Variants in ULK4 observed in about 807,000 individuals in gnomAD.
ULK4 encodes unc-51 like kinase 4.
ULK4 carries 133 observed loss-of-function variants against 160.6 expected under a neutral mutation model. The observed-to-expected ratio is 0.83, with a 90% CI of 0.72 to 0.96. ULK4 has a LOEUF of 0.96. Ranked by LOEUF, ULK4 falls within the 40% of genes least tolerant of loss-of-function variation. ULK4 has a pLI of 0.00. For synonymous variants in ULK4, 534 were observed against 539.8 expected (o/e 0.99, Z 0.15); for missense variants, 1,580 against 1,499.5 (o/e 1.05, Z -0.89).
intron 35 of ULK4, among the ~76,000 whole-genome samples, chr3:41,333,950 T>C (rs2125743401): frequency 6.6e-6 from 1 of 152,314 alleles, no homozygotes; most frequent in South Asian, 2.1e-4. Context: ...GCTTCCAGAC[T>C]TGGTTTTCTT....
At chr3:41,948,621 T>G (rs760902570) in intron 2 of ULK4, among the ~76,000 whole-genome samples, 1 of 151,074 alleles carries the variant, frequency 6.6e-6, no homozygotes, top group Non-Finnish European at 1.5e-5. Flanking sequence ...AAAAGATGGT[T>G]GAACATACGA....
intron 21 of ULK4, among the ~76,000 whole-genome samples, chr3:41,767,858 A>C (rs1213065349): frequency 1.3e-5 from 2 of 152,140 alleles, no homozygotes; most frequent in Non-Finnish European, 2.9e-5. Context: ...AACTTACCTC[A>C]AAGGGATGAA....
In ULK4 at chr3:41,919,700, A is replaced by G; in HGVS notation, c.643+17T>C. 6.3e-7 allele frequency: 1 copy of G among 1,596,648 alleles called. No homozygotes were observed. The highest frequency in any genetic ancestry group is 1.3e-5 in the African/African-American group (1 of 74,718). Reference sequence around the variant, plus strand: ...TTAGTCCAGCTCTGATTTTATACCTATTCAGGAAACAATTACCTGAAAACA... The same window carrying G: ...TTAGTCCAGCTCTGATTTTATACCTGTTCAGGAAACAATTACCTGAAAACA... On this transcript the variant is annotated intron_variant, in intron 6 of 36. Coordinates refer to ENST00000301831, the MANE Select transcript of ULK4 (RefSeq NM_017886.4).
At chr3:41,331,070 CT>C (rs1162990027) in intron 35 of ULK4, among the ~76,000 whole-genome samples, 1 of 152,220 alleles carries the variant, frequency 6.6e-6, no homozygotes, top group Non-Finnish European at 1.5e-5. Context: ...CTAGTGAACT[CT>C]TTTAGGCACA....
chr3:41,367,468 GC>G (rs1267248239), intron 35 of ULK4, among the ~76,000 whole-genome samples: 1 of 152,150 alleles, frequency 6.6e-6, no homozygotes, highest in Non-Finnish European at 1.5e-5. Context: ...TTACTCTTGT[GC>G]CCACCCACAG....
intron 2 of ULK4, 24 bp from the exon 3 acceptor site, chr3:41,938,221 T>A (rs780334205): frequency 1.8e-5 from 28 of 1,583,376 alleles, no homozygotes; most frequent in Non-Finnish European, 2.4e-5. Context: ...GAGCAATCAC[T>A]CTAAAAAGAA....
At chr3:41,481,412 G>A (rs904118975) in intron 32 of ULK4, among the ~76,000 whole-genome samples, 4 of 152,192 alleles carry the variant, frequency 2.6e-5, no homozygotes, top group African/African-American at 4.8e-5. Context: ...CTACTGGGCT[G>A]CATTCCCAGG....
intron 16 of ULK4, among the ~76,000 whole-genome samples, chr3:41,887,849 C>G (rs1397638746): frequency 6.6e-6 from 1 of 151,264 alleles, no homozygotes; most frequent in East Asian, 1.9e-4. Context: ...CTTCTATATA[C>G]CTTATACATC....
chr3:41,717,717 C>G lies in ULK4; in HGVS notation c.2455+11G>C, dbSNP rs375379096. On this transcript the variant is annotated intron_variant, in intron 23 of 36. Coordinates refer to ENST00000301831, the MANE Select transcript of ULK4 (RefSeq NM_017886.4). ...GCAGAAATGGGGCCTGAGGATGAGA[C>G]TCCAATTTACCCAGGATTCGTGGCA... The G allele has an allele frequency of 7.6e-5, 122 of 1,605,570 alleles. No homozygotes were observed. The highest frequency in any genetic ancestry group is 1.0e-4 in the Non-Finnish European group (121 of 1,173,686).
At chr3:41,369,793 CAA>C (rs555783980) in intron 35 of ULK4, among the ~76,000 whole-genome samples, 13 of 98,014 alleles carry the variant, frequency 1.3e-4, no homozygotes, top group East Asian at 3.4e-4. Flanking sequence ...GACTATGTCT[CAA>C]AAAAAAAAAA....
At chr3:41,512,426 G>T (rs1245338786) in intron 32 of ULK4, among the ~76,000 whole-genome samples, 1 of 152,100 alleles carries the variant, frequency 6.6e-6, no homozygotes, top group African/African-American at 2.4e-5. Flanking sequence ...CAGCAAAGTT[G>T]CAGGATATAA....
intron 15 of ULK4, among the ~76,000 whole-genome samples, chr3:41,896,513 C>T (rs1011899462): frequency 6.6e-6 from 1 of 152,162 alleles, no homozygotes; most frequent in African/African-American, 2.4e-5. Context: ...CTTGGCCTCC[C>T]AAAGTGCTGG....
At chr3:41,491,898 C>G (rs1478829454) in intron 32 of ULK4, among the ~76,000 whole-genome samples, 1 of 124,120 alleles carries the variant, frequency 8.1e-6, no homozygotes, top group Non-Finnish European at 1.6e-5. Flanking sequence ...CACCCCACAA[C>G]AGTCCCCAGA....
intron 17 of ULK4, among the ~76,000 whole-genome samples, chr3:41,840,781 C>G (rs1350203237): frequency 6.6e-6 from 1 of 152,216 alleles, no homozygotes; most frequent in East Asian, 1.9e-4. Flanking sequence ...ATTACAGCCT[C>G]TGCCCGGCTG....
chr3:41,853,523 C>T (rs1017998140), intron 17 of ULK4, among the ~76,000 whole-genome samples: 2 of 152,110 alleles, frequency 1.3e-5, no homozygotes, highest in Non-Finnish European at 2.9e-5. Context: ...GGTTAGATCA[C>T]GTACCCTACA....
intron 9 of ULK4, among the ~76,000 whole-genome samples, chr3:41,912,335 A>AG (rs1383148164): frequency 2.6e-5 from 4 of 151,964 alleles, no homozygotes; most frequent in Admixed American, 2.0e-4. Context: ...TCTCAAAAAA[A>AG]AAAAAAAAAA....
At chr3:41,304,716 C>T (rs940948698) in intron 35 of ULK4, among the ~76,000 whole-genome samples, 1 of 152,374 alleles carries the variant, frequency 6.6e-6, no homozygotes, top group South Asian at 2.1e-4. Flanking sequence ...GCAACTATGA[C>T]TGGCAACAGC....
intron 31 of ULK4, among the ~76,000 whole-genome samples, chr3:41,574,719 T>C (rs1033781950): frequency 1.3e-4 from 20 of 151,942 alleles, no homozygotes; most frequent in African/African-American, 4.3e-4. Context: ...ATTTTTTGTA[T>C]TATTTTCTAG....
At chr3:41,422,854 T>A (rs1228957046) in intron 34 of ULK4, among the ~76,000 whole-genome samples, 1 of 152,144 alleles carries the variant, frequency 6.6e-6, no homozygotes, top group African/African-American at 2.4e-5. Context: ...TCAAAGGAAA[T>A]TCAGAAGTAC....
Sources: gnomAD v4.1 joint callset for allele counts (sites outside exome capture counted in the v4.1 genomes callset) on GRCh38, gnomAD v4.1.1 for gene constraint, MANE v1.5 for transcripts, NCBI Gene and HGNC (gene_info 2026-07-23, HGNC 2026-07-21) for gene names.